The following CACNB2 variants were observed in gnomAD, a reference collection of about 807,000 sequenced individuals.
CACNB2 encodes the protein voltage-dependent L-type calcium channel subunit beta-2.
Under a neutral mutation model 73.3 loss-of-function variants are expected in CACNB2, and 42 were observed. The observed-to-expected ratio is 0.57, with a 90% CI of 0.45 to 0.74. The LOEUF is 0.74. Among genes scored for constraint, CACNB2 ranks in the 30% least tolerant of loss-of-function variants. The probability of loss-of-function intolerance (pLI) is 0.00; values close to 1 mark genes in which losing one functional copy is unlikely to be tolerated. For missense variants in CACNB2, 940 were observed against 853.0 expected (o/e 1.10, Z -1.27); for synonymous variants, 348 against 310.3 (o/e 1.12, Z -1.28).
intron 2 of CACNB2, chr10:18,340,569 G>A (rs749201480): frequency 1.0e-4 from 58 of 554,762 alleles, no homozygotes; most frequent in Non-Finnish European, 1.4e-4. Flanking sequence ...GGGACCTGTC[G>A]CATCTGATAC....
chr10:18,475,410 A>T (rs569467480), intron 3 of CACNB2, among the ~76,000 whole-genome samples: 1 of 152,276 alleles, frequency 6.6e-6, no homozygotes, highest in African/African-American at 2.4e-5. Context: ...AGGAGACCCC[A>T]GCCACCAGTC....
At chr10:18,401,012 A>G (rs377382858) in intron 2 of CACNB2, 89 of 1,613,974 alleles carry the variant, frequency 5.5e-5, no homozygotes, top group Non-Finnish European at 6.7e-5. Context: ...GCTGCGGACG[A>G]TAAAGGCGCT....
At chr10:18,227,812 A>T (rs758144031) in intron 2 of CACNB2, among the ~76,000 whole-genome samples, 1 of 152,242 alleles carries the variant, frequency 6.6e-6, no homozygotes, top group Non-Finnish European at 1.5e-5. Flanking sequence ...TTGTCATACA[A>T]GAGACAGTAA....
At position 18,454,531 on chromosome 10, in the gene CACNB2, C is replaced by G. The variant is rs148368185; in HGVS notation, c.334-43824C>G. Among the ~76,000 whole-genome samples the G allele has an allele frequency of 3.8e-3, 572 of 152,280 alleles. 9 individuals carry two copies. In the East Asian group the frequency reaches 0.045, roughly 12 times the overall value. ...TGTTTTTTTACCCCCTAAGAACAAA[C>G]GTTTGCCCCCTTGGGGATGAGATTG... On this transcript the variant is annotated intron_variant, in intron 3 of 13. Coordinates refer to ENST00000324631, the MANE Select transcript of CACNB2 (RefSeq NM_201596.3).
rs368351076 is a variant in CACNB2 at position 18,252,245 on chromosome 10, G to A, written c.213+101270G>A. 5.0e-3 allele frequency among the ~76,000 whole-genome samples: 757 copies of A among 152,260 alleles called. 4 individuals are homozygous for A. Among genetic ancestry groups the A allele is most frequent in the Non-Finnish European group, 7.9e-3 (536 of 68,024 alleles). ...AAGCAGCTTTTCAGAACCCACTGGG[G>A]CATTTACCGGAAGGAATGCTGTTCA... is the stretch of plus-strand genomic sequence containing the variant. On this transcript the variant is annotated intron_variant, in intron 2 of 13. Coordinates refer to ENST00000324631, the MANE Select transcript of CACNB2 (RefSeq NM_201596.3).
chr10:18,399,176 G>A (rs2043864338), intron 2 of CACNB2, among the ~76,000 whole-genome samples: 1 of 152,018 alleles, frequency 6.6e-6, no homozygotes, highest in South Asian at 2.1e-4. Flanking sequence ...GTGACAGTGG[G>A]GACAGGGGCC....
At chr10:18,324,800 G>A (rs1314886036) in intron 2 of CACNB2, among the ~76,000 whole-genome samples, 3 of 152,226 alleles carry the variant, frequency 2.0e-5, no homozygotes, top group African/African-American at 7.2e-5. Context: ...AGGTTGCAGT[G>A]AGCTAAGAGT....
intron 2 of CACNB2, among the ~76,000 whole-genome samples, chr10:18,247,936 T>C (rs1239581818): frequency 6.6e-6 from 1 of 152,222 alleles, no homozygotes; most frequent in Non-Finnish European, 1.5e-5. Flanking sequence ...GGTACCTTCT[T>C]ACTGTGTTCT....
intron 2 of CACNB2, among the ~76,000 whole-genome samples, chr10:18,333,997 A>G (rs1554794788): frequency 6.6e-6 from 1 of 152,242 alleles, no homozygotes; most frequent in Non-Finnish European, 1.5e-5. Context: ...TTGAAAGTTC[A>G]GAATTCCTGA....
At position 18,140,705 on chromosome 10, in the gene CACNB2, T is replaced by C. The variant is rs2130978163; in HGVS notation, c.-32T>C. ...GAGGAGGGGACCCGCCGCCGGGGGC[T>C]GGCTGCTTCGCTCCGAGCCGACTTT... On this transcript the variant is annotated 5_prime_UTR_variant, in exon 1 of 14. Transcript: ENST00000324631. 1.9e-6 allele frequency: 3 copies of C among 1,573,396 alleles called. No individual in the cohort carries two copies. The highest frequency in any genetic ancestry group is 2.6e-6 in the Non-Finnish European group (3 of 1,158,092).
Position 18,494,347 on chromosome 10 carries a change from G to C in CACNB2, c.334-4008G>C, listed in dbSNP as rs111476756. Among the ~76,000 whole-genome samples the C allele has an allele frequency of 9.7e-3, 1,476 of 152,056 alleles. 16 individuals carry two copies. The highest frequency in any genetic ancestry group is 0.027 in the African/African-American group (1,134 of 41,510). ...CTTCCAAGGAATAAAAGAAACATCT[G>C]GGCTGGGTGCGGTGGCTCACGCCTG... On this transcript the variant is annotated intron_variant, in intron 3 of 13. Transcript: ENST00000324631.
At chr10:18,395,538 C>G (rs750028616) in intron 2 of CACNB2, among the ~76,000 whole-genome samples, 35 of 152,282 alleles carry the variant, frequency 2.3e-4, no homozygotes, top group East Asian at 1.9e-4. Context: ...ATTTAGCTCA[C>G]AGTTACAGCA....
At chr10:18,308,419 C>T (rs991632959) in intron 2 of CACNB2, among the ~76,000 whole-genome samples, 3 of 152,166 alleles carry the variant, frequency 2.0e-5, no homozygotes, top group African/African-American at 7.2e-5. Context: ...ACGTAATAAG[C>T]ATAGTGCCCT....
intron 6 of CACNB2, among the ~76,000 whole-genome samples, chr10:18,508,534 C>A (rs183611118): frequency 7.3e-4 from 111 of 152,226 alleles, no homozygotes; most frequent in Non-Finnish European, 1.3e-3. Flanking sequence ...TGTCACCTTG[C>A]GATAAAGCAG....
intron 2 of CACNB2, among the ~76,000 whole-genome samples, chr10:18,266,925 A>G (rs16917120): frequency 0.15 from 22,757 of 152,206 alleles, 2,011 homozygotes; most frequent in African/African-American, 0.23. Context: ...ACACTTATAT[A>G]TGCCTTGGGA....
intron 2 of CACNB2, among the ~76,000 whole-genome samples, chr10:18,295,950 A>T (rs1361689143): frequency 6.8e-6 from 1 of 147,542 alleles, no homozygotes; most frequent in African/African-American, 2.5e-5. Flanking sequence ...TGTTATTTCC[A>T]TGTAGATGTC....
intron 2 of CACNB2, among the ~76,000 whole-genome samples, chr10:18,165,873 A>G (rs986049677): frequency 3.9e-5 from 6 of 152,154 alleles, no homozygotes; most frequent in Non-Finnish European, 8.8e-5. Flanking sequence ...TTCCTTTGCA[A>G]CTGACGTTAG....
At chr10:18,240,320 G>A (rs1564369384) in intron 2 of CACNB2, among the ~76,000 whole-genome samples, 1 of 152,080 alleles carries the variant, frequency 6.6e-6, no homozygotes, top group Non-Finnish European at 1.5e-5. Context: ...TTTTCTTCCT[G>A]TATAAAACTT....
At chr10:18,199,254 A>G (rs1180996981) in intron 2 of CACNB2, among the ~76,000 whole-genome samples, 2 of 152,232 alleles carry the variant, frequency 1.3e-5, no homozygotes, top group South Asian at 2.1e-4. Context: ...GCAACAAAGA[A>G]TATACCAAGT....
Sources: gnomAD v4.1 joint callset for allele counts (sites outside exome capture counted in the v4.1 genomes callset) on GRCh38, gnomAD v4.1.1 for gene constraint, MANE v1.5 for transcripts, NCBI Gene and HGNC (gene_info 2026-07-23, HGNC 2026-07-21) for gene names.